Variants in POU6F2 observed in about 807,000 individuals in gnomAD.
POU6F2 encodes POU class 6 homeobox 2, also known as POU domain, class 6, transcription factor 2.
A neutral mutation model predicts 71.3 loss-of-function variants in POU6F2; 31 were observed. The ratio of observed to expected loss-of-function variants is 0.43; its 90% CI spans 0.33 to 0.59. The LOEUF is 0.59. Ranked by LOEUF, POU6F2 falls within the 20% of genes least tolerant of loss-of-function variation. The pLI, the probability that POU6F2 is intolerant of heterozygous loss-of-function variation, is 0.04. For synonymous variants in POU6F2, 347 were observed against 355.7 expected, an observed-to-expected ratio of 0.98 and a Z score of 0.27; for missense variants, 783 against 856.8, an observed-to-expected ratio of 0.91 and a Z score of 1.07.
At chr7:39,382,269 G>A (rs533639815) in intron 5 of POU6F2, among the ~76,000 whole-genome samples, 1 of 152,328 alleles carries the variant, frequency 6.6e-6, no homozygotes, top group Admixed American at 6.5e-5. Flanking sequence ...AGAATGGGAA[G>A]ATACAGAACA....
intron 9 of POU6F2, among the ~76,000 whole-genome samples, chr7:39,463,059 G>A (rs1048868989): frequency 1.3e-5 from 2 of 152,210 alleles, no homozygotes; most frequent in Non-Finnish European, 2.9e-5. Flanking sequence ...TTTTTCAACA[G>A]CATGGGACAC....
chr7:39,328,010 T>G (rs1452043827), intron 4 of POU6F2, among the ~76,000 whole-genome samples: 1 of 152,178 alleles, frequency 6.6e-6, no homozygotes, highest in Non-Finnish European at 1.5e-5. Flanking sequence ...AACCTCCGTC[T>G]CCCAGGTTCA....
intron 6 of POU6F2, among the ~76,000 whole-genome samples, chr7:39,409,689 A>T (rs1036412699): frequency 6.6e-6 from 1 of 151,872 alleles, no homozygotes; most frequent in Non-Finnish European, 1.5e-5. Context: ...TCGGCTGGGC[A>T]GATGTCCACC....
intron 2 of POU6F2, among the ~76,000 whole-genome samples, chr7:39,196,698 G>A (rs1432192032): frequency 6.6e-6 from 1 of 152,046 alleles, no homozygotes; most frequent in Non-Finnish European, 1.5e-5. Flanking sequence ...GATGGAAGTT[G>A]CAGTGAGCTG....
intron 1 of POU6F2, among the ~76,000 whole-genome samples, chr7:38,983,780 T>G (rs1164827430): frequency 1.3e-5 from 2 of 152,164 alleles, no homozygotes; most frequent in Non-Finnish European, 2.9e-5. Flanking sequence ...ATTATTGTTA[T>G]TTCAGGGATA....
chr7:39,146,234 T>C (rs1053349537), intron 2 of POU6F2, among the ~76,000 whole-genome samples: 1 of 152,106 alleles, frequency 6.6e-6, no homozygotes, highest in Non-Finnish European at 1.5e-5. Context: ...AGGGTGGGCA[T>C]GGTAGTGGTG....
chr7:39,028,497 G>A (rs1789867062), intron 1 of POU6F2, among the ~76,000 whole-genome samples: 1 of 151,860 alleles, frequency 6.6e-6, no homozygotes, highest in African/African-American at 2.4e-5. Context: ...TATCTGGTAG[G>A]ACAAGTAACC....
intron 4 of POU6F2, among the ~76,000 whole-genome samples, chr7:39,246,760 C>T (rs1229364271): frequency 6.7e-6 from 1 of 150,316 alleles, no homozygotes; most frequent in Non-Finnish European, 1.5e-5. Context: ...GAATCTCATT[C>T]ATGAACCAGG....
At chr7:39,340,045 T>C (rs1379162552) in intron 5 of POU6F2, 30 bp downstream of exon 5, 11 of 1,569,352 alleles carry the variant, frequency 7.0e-6, no homozygotes, top group Non-Finnish European at 9.5e-6. Context: ...CGTCTGCCCC[T>C]AGGAGCACCA....
rs1221150495 is a variant in POU6F2, at chr7:39,027,248, AC to A, written c.105+49192del. 3.9e-4 allele frequency among the ~76,000 whole-genome samples: 59 copies of A among 152,270 alleles called. No homozygotes were observed. The South Asian group carries it at 6.6e-3, about 17-fold the overall frequency. ...GAAGCTTCTTTCAAATACATTGGGT[AC>A]CTTTGATATTGCAACTGGATATCCT... On this transcript the variant is annotated intron_variant, in intron 1 of 9. Coordinates refer to ENST00000518318, the MANE Select transcript of POU6F2 (RefSeq NM_001370959.1).
At chr7:39,260,720 ATAC>A (rs1183514922) in intron 4 of POU6F2, among the ~76,000 whole-genome samples, 8 of 151,796 alleles carry the variant, frequency 5.3e-5, no homozygotes, top group African/African-American at 1.7e-4. Context: ...CACACCACAT[ATAC>A]TACACCACCT....
chr7:39,128,985 C>G (rs1012454979), intron 2 of POU6F2, among the ~76,000 whole-genome samples: 1 of 152,122 alleles, frequency 6.6e-6, no homozygotes, highest in Non-Finnish European at 1.5e-5. Flanking sequence ...AATTCAGGAT[C>G]AGGATAAGAG....
intron 2 of POU6F2, among the ~76,000 whole-genome samples, chr7:39,153,105 C>T (rs1484815068): frequency 2.0e-5 from 3 of 152,076 alleles, no homozygotes; most frequent in East Asian, 1.9e-4. Flanking sequence ...ATGGTTTCTG[C>T]GGTGATGTGC....
rs368929654 is a variant in POU6F2 at position 39,433,133 on chromosome 7, C to T, written c.1170C>T (p.Ser390=). 5.8e-5 allele frequency: 94 copies of T among 1,613,630 alleles called. No homozygotes were observed. Among genetic ancestry groups the T allele is most frequent in the Non-Finnish European group, 6.7e-5 (79 of 1,179,730 alleles). Reference sequence around the variant, plus strand: ...CAGGGCCATCGAGCCAAGCAGCAAGCGGCACTCAGGGCTTGCAAGTGCAGC... The same window carrying T: ...CAGGGCCATCGAGCCAAGCAGCAAGTGGCACTCAGGGCTTGCAAGTGCAGC... ...PNPGPSSQAA[S]GTQGLQVQPI... is the part of the protein sequence containing the mutation. The change falls in exon 7 of 10, where the codon AGC becomes AGT. Residue 390 remains serine (S), a synonymous_variant. Transcript: ENST00000518318.
chr7:39,202,662 C>T (rs533699948), intron 2 of POU6F2, among the ~76,000 whole-genome samples: 2 of 152,252 alleles, frequency 1.3e-5, no homozygotes, highest in South Asian at 4.1e-4. Flanking sequence ...GCTTCAAATG[C>T]CGTGCTTTTA....
chr7:39,059,148 C>T (rs749334942), intron 1 of POU6F2, among the ~76,000 whole-genome samples: 2 of 152,038 alleles, frequency 1.3e-5, no homozygotes, highest in African/African-American at 2.4e-5. Context: ...ATTTTTATAA[C>T]GACTTCTCAG....
chr7:39,316,511 T>G (rs1484518744), intron 4 of POU6F2, among the ~76,000 whole-genome samples: 1 of 152,140 alleles, frequency 6.6e-6, no homozygotes, highest in Non-Finnish European at 1.5e-5. Context: ...ACCCACTGAT[T>G]GCAGTGTGAG....
At chr7:39,187,795 C>T (rs1016738530) in intron 2 of POU6F2, among the ~76,000 whole-genome samples, 6 of 152,160 alleles carry the variant, frequency 3.9e-5, no homozygotes, top group African/African-American at 9.7e-5. Flanking sequence ...TTCGGAACAC[C>T]GGATACAAGC....
At chr7:39,040,328 T>C (rs1200870730) in intron 1 of POU6F2, among the ~76,000 whole-genome samples, 2 of 150,772 alleles carry the variant, frequency 1.3e-5, no homozygotes, top group Non-Finnish European at 3.0e-5. Flanking sequence ...ATCTGAGACA[T>C]AAAATTTCAT....
Sources: gnomAD v4.1 joint callset for allele counts (sites outside exome capture counted in the v4.1 genomes callset) on GRCh38, gnomAD v4.1.1 for gene constraint, MANE v1.5 for transcripts, NCBI Gene and HGNC (gene_info 2026-07-23, HGNC 2026-07-21) for gene names.